RAD54L2: variants seen among roughly 807,000 people sequenced by gnomAD.
The protein encoded by RAD54L2 is RAD54 like 2, also known as helicase ARIP4.
In RAD54L2, 27 loss-of-function variants were observed where a neutral mutation model predicts 138.4. That is an observed-to-expected ratio of 0.20 (90% CI 0.14 to 0.27). The LOEUF (loss-of-function observed/expected upper bound fraction) is 0.27, where lower values mean the gene tolerates loss of function less well. Among genes scored for constraint, RAD54L2 ranks in the 10% least tolerant of loss-of-function variants. The probability of loss-of-function intolerance (pLI) is 1.00; values close to 1 mark genes in which losing one functional copy is unlikely to be tolerated. For missense variants in RAD54L2, 1,396 were observed against 1,890.2 expected (o/e 0.74, Z 4.85); for synonymous variants, 644 against 723.2 (o/e 0.89, Z 1.76).
intron 2 of RAD54L2, among the ~76,000 whole-genome samples, chr3:51,566,232 C>T (rs1296906105): frequency 6.6e-6 from 1 of 151,952 alleles, no homozygotes; most frequent in African/African-American, 2.4e-5. Context: ...GTCCCTTTGC[C>T]TTTTTTTCGT....
At chr3:51,610,288 G>C (rs1160074602) in intron 3 of RAD54L2, among the ~76,000 whole-genome samples, 1 of 152,092 alleles carries the variant, frequency 6.6e-6, no homozygotes, top group African/African-American at 2.4e-5. Context: ...ATTATTACCT[G>C]TATCTCATTC....
intron 3 of RAD54L2, among the ~76,000 whole-genome samples, chr3:51,592,101 G>A (rs1316093170): frequency 2.0e-5 from 2 of 99,872 alleles, no homozygotes; most frequent in South Asian, 7.1e-4. Flanking sequence ...AGTTTTGCTC[G>A]TTGCCCAGGC....
At chr3:51,659,009 C>T (rs1175622609) in intron 21 of RAD54L2, among the ~76,000 whole-genome samples, 1 of 151,098 alleles carries the variant, frequency 6.6e-6, no homozygotes, top group East Asian at 1.9e-4. Flanking sequence ...AGTCATGCCA[C>T]GCTATTTTTG....
chr3:51,559,883 T>A (rs1008441355), intron 2 of RAD54L2, among the ~76,000 whole-genome samples: 1 of 152,236 alleles, frequency 6.6e-6, no homozygotes, highest in Admixed American at 6.5e-5. Context: ...CCAAATGGGC[T>A]ACAGATATGA....
At chr3:51,552,003 G>C (rs1286265457) in intron 2 of RAD54L2, among the ~76,000 whole-genome samples, 1 of 152,088 alleles carries the variant, frequency 6.6e-6, no homozygotes, top group African/African-American at 2.4e-5. Context: ...GCCCTCTTCA[G>C]CCTCCCAAAG....
In RAD54L2 at chr3:51,635,584, A is replaced by T; in HGVS notation, c.1143-9A>T. 6.3e-7 allele frequency: 1 copy of T among 1,590,044 alleles called. No homozygotes were observed. On this transcript the variant is annotated splice_polypyrimidine_tract_variant and intron_variant, in intron 9 of 22. Transcript: ENST00000684192. ...ACATCTCACACAATTTTCTCTGTTC[A>T]TCTTGCAGGACGATGGCATCTCGTG...
chr3:51,565,750 G>C (rs1699200720), intron 2 of RAD54L2, among the ~76,000 whole-genome samples: 1 of 151,996 alleles, frequency 6.6e-6, no homozygotes, highest in Non-Finnish European at 1.5e-5. Context: ...TGGGATTACA[G>C]GCGTGAGCCA....
chr3:51,615,283 G>A (rs940040425), intron 3 of RAD54L2, among the ~76,000 whole-genome samples: 36 of 152,218 alleles, frequency 2.4e-4, no homozygotes, highest in Admixed American at 5.2e-4. Context: ...CCAAAGGGCT[G>A]GGATTATAGG....
chr3:51,655,626 C>T (rs1701579168), intron 19 of RAD54L2, among the ~76,000 whole-genome samples: 1 of 152,220 alleles, frequency 6.6e-6, no homozygotes, highest in South Asian at 2.1e-4. Context: ...TGCCTTATTG[C>T]ATCTTGACAG....
intron 2 of RAD54L2, among the ~76,000 whole-genome samples, chr3:51,542,401 G>A (rs1698575693): frequency 6.6e-6 from 1 of 151,862 alleles, no homozygotes; most frequent in African/African-American, 2.4e-5. Context: ...GAAGGCAGCT[G>A]TCTGCACCTG....
In RAD54L2 at chr3:51,668,145, T is replaced by TA. The variant is rs1701951274; in HGVS notation, c.*4726dup. 6.6e-6 allele frequency: 1 copy of TA among 152,352 alleles called. No individual in the cohort carries two copies. The highest frequency in any genetic ancestry group is 2.4e-5 in the African/African-American group (1 of 41,376). The allele number at this position is 152,352 out of a possible 1,614,324, so 9.4% of individuals were successfully genotyped here. ...GTGCACCTGGGTGTAAAATGACTGT[T>TA]ATCTGGTTGTGTTACTCAGGGTGGG... On this transcript the variant is annotated 3_prime_UTR_variant, in exon 23 of 23. Coordinates refer to ENST00000684192, the MANE Select transcript of RAD54L2 (RefSeq NM_015106.4).
chr3:51,601,919 C>T (rs1038238645), intron 3 of RAD54L2, among the ~76,000 whole-genome samples: 2 of 151,358 alleles, frequency 1.3e-5, no homozygotes, highest in East Asian at 1.9e-4. Flanking sequence ...TGCAGTGGTG[C>T]GATCTCGGCT....
rs752899591 is a variant in RAD54L2 at position 51,662,828 on chromosome 3, G to A, written c.3812G>A (p.Arg1271Gln). 35 of 1,612,268 alleles carry A rather than the reference G, an allele frequency of 2.2e-5. No individual in the cohort carries two copies. Among genetic ancestry groups the A allele is most frequent in the Middle Eastern group, 1.6e-4 (1 of 6,078 alleles). Residue 1271 changes from arginine (R) to glutamine (Q), a missense_variant, in exon 23 of 23, where the codon CGG (arginine) becomes CAG (glutamine). Physicochemically the swap from Arg to Gln is conservative, Grantham distance 43. Coordinates refer to ENST00000684192, the MANE Select transcript of RAD54L2 (RefSeq NM_015106.4). This position sits in a 1 kb window ranked among gnomAD's most constrained non-coding sequence, Gnocchi z 4.6. ...GCTGCCCAGGAGTCATCCCGCCGGCGGTCCAGGAAGGGTCATCTGCCAGCC... is the reference window on the plus strand; with the variant it reads ...GCTGCCCAGGAGTCATCCCGCCGGCAGTCCAGGAAGGGTCATCTGCCAGCC... ...PPAAQESSRRRSRKGHLPAPV... is the reference protein window; with the variant it reads ...PPAAQESSRRQSRKGHLPAPV...
chr3:51,622,964 G>A (rs1446909923), intron 3 of RAD54L2, among the ~76,000 whole-genome samples: 1 of 152,226 alleles, frequency 6.6e-6, no homozygotes, highest in Non-Finnish European at 1.5e-5. Context: ...CAGTAAGGCT[G>A]GATTTGGTGT....
At chr3:51,628,065 T>C (rs954086948) in intron 4 of RAD54L2, among the ~76,000 whole-genome samples, 1 of 152,158 alleles carries the variant, frequency 6.6e-6, no homozygotes, top group Non-Finnish European at 1.5e-5. Flanking sequence ...TTTTCCTCTA[T>C]TTTTCCTTTT....
chr3:51,627,432 A>G, intron 3 of RAD54L2, 121 bp from the exon 4 acceptor site: 1 of 872,812 alleles, frequency 1.1e-6, no homozygotes, highest in East Asian at 2.7e-5. Context: ...GATATAAAGA[A>G]TTTGCCTTAG....
chr3:51,549,414 T>C (rs1698779152), intron 2 of RAD54L2, among the ~76,000 whole-genome samples: 1 of 152,082 alleles, frequency 6.6e-6, no homozygotes, highest in Admixed American at 6.6e-5. Flanking sequence ...AGTTCGGCAA[T>C]TGAGGCCCAT....
chr3:51,568,055 A>T (rs976929993), intron 2 of RAD54L2, among the ~76,000 whole-genome samples: 41 of 151,626 alleles, frequency 2.7e-4, no homozygotes, highest in Non-Finnish European at 5.4e-4. Flanking sequence ...CATGTTTTTT[A>T]TCTTTAGTTA....
At chr3:51,572,841 T>C (rs1012290468) in intron 2 of RAD54L2, among the ~76,000 whole-genome samples, 1 of 151,758 alleles carries the variant, frequency 6.6e-6, no homozygotes, top group Non-Finnish European at 1.5e-5. Flanking sequence ...CATTTCACCA[T>C]GTTGGCCAGG....
Sources: gnomAD v4.1 joint callset for allele counts (sites outside exome capture counted in the v4.1 genomes callset) on GRCh38, gnomAD v4.1.1 for gene constraint, Gnocchi (gnomAD v3.1) non-coding constraint, MANE v1.5 for transcripts, NCBI Gene and HGNC (gene_info 2026-07-23, HGNC 2026-07-21) for gene names.